The following MSR1 variants were observed in gnomAD, a reference collection of about 807,000 sequenced individuals.
The protein encoded by MSR1 is macrophage scavenger receptor 1, also known as macrophage scavenger receptor types I and II.
Under a neutral mutation model 47.2 loss-of-function variants are expected in MSR1, and 53 were observed. The ratio of observed to expected loss-of-function variants is 1.12; its 90% CI spans 0.90 to 1.41. The LOEUF is 1.41. Among genes scored for constraint, MSR1 ranks in the 40% most tolerant of loss-of-function variants. The pLI is 0.00. For synonymous variants in MSR1, 239 were observed against 185.6 expected (o/e 1.29, Z -2.34); for missense variants, 786 against 546.9 (o/e 1.44, Z -4.36).
chr8:16,162,292 T>C (rs1801184054), intron 5 of MSR1, among the ~76,000 whole-genome samples: 1 of 151,980 alleles, frequency 6.6e-6, no homozygotes, highest in Non-Finnish European at 1.5e-5. Flanking sequence ...AATAAGTGTG[T>C]ATATAGTAAA....
At chr8:16,175,145 A>C in intron 3 of MSR1, 42 bp downstream of exon 3, 1 of 1,513,542 alleles carries the variant, frequency 6.6e-7, no homozygotes, top group Non-Finnish European at 9.2e-7. Context: ...TGAATAATTC[A>C]CGGGACGAGT....
intron 6 of MSR1, among the ~76,000 whole-genome samples, chr8:16,150,600 A>T (rs1290116347): frequency 6.6e-6 from 1 of 152,110 alleles, no homozygotes; most frequent in East Asian, 1.9e-4. Flanking sequence ...CAAAAGACTT[A>T]TGTAGTCAAC....
rs1800819252 is a variant in MSR1 at position 16,150,286 on chromosome 8, C to T, written c.924G>A (p.Arg308=). Residue 308 remains arginine, a synonymous_variant, in exon 7 of 10, where the codon CGG becomes CGA. Coordinates refer to ENST00000262101, the MANE Select transcript of MSR1 (RefSeq NM_138715.3). ...PIGPPGLKGD[R]GAIGFPGSRG... ...GACTTCCAGGAAAGCCAATTGCTCC[C>T]CGATCACCTTTAAGACCCGGAGGAC... is the stretch of plus-strand genomic sequence containing the variant. 1 of 1,570,202 alleles carries T rather than the reference C, an allele frequency of 6.4e-7. No homozygotes were observed. Among genetic ancestry groups the T allele is most frequent in the African/African-American group, 1.4e-5 (1 of 73,476 alleles).
At chr8:16,164,865 A>G (rs1247939611) in intron 4 of MSR1, among the ~76,000 whole-genome samples, 1 of 152,040 alleles carries the variant, frequency 6.6e-6, no homozygotes, top group Non-Finnish European at 1.5e-5. Context: ...ATACACATTC[A>G]TATACTTAAG....
At chr8:16,182,888 T>C (rs1476966537) in intron 1 of MSR1, among the ~76,000 whole-genome samples, 1 of 151,976 alleles carries the variant, frequency 6.6e-6, no homozygotes, top group Admixed American at 6.6e-5. Context: ...CATTAACATT[T>C]ATTATCAAGT....
At chr8:16,135,191 T>A (rs1800360820) in intron 8 of MSR1, among the ~76,000 whole-genome samples, 1 of 152,224 alleles carries the variant, frequency 6.6e-6, no homozygotes, top group Admixed American at 6.5e-5. Flanking sequence ...ATGCCATCTA[T>A]AACTTTCATA....
At chr8:16,167,729 CCCT>C (rs1200307159) in intron 4 of MSR1, among the ~76,000 whole-genome samples, 1 of 152,102 alleles carries the variant, frequency 6.6e-6, no homozygotes, top group Non-Finnish European at 1.5e-5. Context: ...TTCTTCTTTC[CCCT>C]CAACTTAATC....
intron 1 of MSR1, among the ~76,000 whole-genome samples, chr8:16,179,033 T>A (rs921821655): frequency 2.0e-5 from 3 of 152,200 alleles, no homozygotes; most frequent in Non-Finnish European, 4.4e-5. Context: ...AAGACAGATG[T>A]ATGTGGAACC....
intron 8 of MSR1, among the ~76,000 whole-genome samples, chr8:16,127,316 A>G (rs1213265401): frequency 1.3e-5 from 2 of 152,178 alleles, no homozygotes; most frequent in Non-Finnish European, 2.9e-5. Context: ...GACCACTTAG[A>G]GAGTTACAAA....
chr8:16,176,963 A>G (rs34628093), intron 2 of MSR1, among the ~76,000 whole-genome samples: 105 of 152,328 alleles, frequency 6.9e-4, no homozygotes, highest in African/African-American at 2.5e-3. Flanking sequence ...ACACTGAAAT[A>G]TCTTCTCTTT....
intron 8 of MSR1, among the ~76,000 whole-genome samples, chr8:16,137,492 C>G (rs1359174649): frequency 6.6e-6 from 1 of 152,084 alleles, no homozygotes; most frequent in Admixed American, 6.6e-5. Context: ...ATACCCTCCA[C>G]ATGACATATC....
Position 16,110,220 on chromosome 8 carries a change from T to G in MSR1, c.1223-2A>C. ...CATTCAGCCATATTGGACCAGTACC[T>G]GCAATAATGAGGTATAACTGCATTA... On this transcript the variant is annotated splice_acceptor_variant, in intron 9 of 9. Transcript: ENST00000262101. LOFTEE classifies it high-confidence loss of function. 6.2e-7 allele frequency: 1 copy of G among 1,613,282 alleles called. No homozygotes were observed. The highest frequency in any genetic ancestry group is 8.5e-7 in the Non-Finnish European group (1 of 1,179,476).
chr8:16,132,102 G>A (rs1041999209), intron 8 of MSR1, among the ~76,000 whole-genome samples: 6 of 151,648 alleles, frequency 4.0e-5, no homozygotes, highest in Admixed American at 2.0e-4. Flanking sequence ...TAATGATACC[G>A]ATTCTTCCTA....
At chr8:16,156,383 GA>G (rs1801008259) in intron 5 of MSR1, among the ~76,000 whole-genome samples, 1 of 151,802 alleles carries the variant, frequency 6.6e-6, no homozygotes, top group Non-Finnish European at 1.5e-5. Context: ...ATTATCTCAT[GA>G]ATAAGTATAT....
chr8:16,174,168 C>A (rs1318880837), intron 3 of MSR1, among the ~76,000 whole-genome samples: 1 of 152,100 alleles, frequency 6.6e-6, no homozygotes, highest in African/African-American at 2.4e-5. Flanking sequence ...TTATTTCTTT[C>A]TTAGTGGAAT....
At chr8:16,159,762 G>T (rs190802445) in intron 5 of MSR1, among the ~76,000 whole-genome samples, 3 of 151,972 alleles carry the variant, frequency 2.0e-5, no homozygotes, top group Middle Eastern at 3.4e-3. Flanking sequence ...GTATTCTCTT[G>T]TGAGAGAATA....
At chr8:16,145,846 T>C (rs1398085188) in intron 7 of MSR1, among the ~76,000 whole-genome samples, 1 of 152,156 alleles carries the variant, frequency 6.6e-6, no homozygotes, top group Non-Finnish European at 1.5e-5. Flanking sequence ...GTAGTGGTCC[T>C]TCAGAATGAT....
chr8:16,149,046 G>A (rs1800775228), intron 7 of MSR1, among the ~76,000 whole-genome samples: 2 of 152,126 alleles, frequency 1.3e-5, no homozygotes, highest in East Asian at 1.9e-4. Flanking sequence ...AATAGAGTTG[G>A]TGGAGCACAG....
chr8:16,165,675 G>T (rs1801284313), intron 4 of MSR1, among the ~76,000 whole-genome samples: 1 of 152,060 alleles, frequency 6.6e-6, no homozygotes, highest in Non-Finnish European at 1.5e-5. Flanking sequence ...GAAGTAAAAA[G>T]AATATTACAC....
Sources: gnomAD v4.1 joint callset for allele counts (sites outside exome capture counted in the v4.1 genomes callset) on GRCh38, gnomAD v4.1.1 for gene constraint, MANE v1.5 for transcripts, NCBI Gene and HGNC (gene_info 2026-07-23, HGNC 2026-07-21) for gene names.